TMEM170A: variants seen among roughly 807,000 people sequenced by gnomAD.
TMEM170A encodes the protein transmembrane protein 170.
TMEM170A carries 18 observed loss-of-function variants against 12.8 expected under a neutral mutation model. The observed-to-expected ratio is 1.41, with a 90% confidence interval of 0.97 to 2.09. The LOEUF is 2.09. Among genes scored for constraint, TMEM170A ranks in the 30% most tolerant of loss-of-function variants. TMEM170A has a pLI of 0.00. For missense variants in TMEM170A, 220 were observed against 179.9 expected, an observed-to-expected ratio of 1.22 and a Z score of -1.28; for synonymous variants, 107 against 76.2, an observed-to-expected ratio of 1.40 and a Z score of -2.11.
At chr16:75,459,790 G>C (rs1312619198) in intron 1 of TMEM170A, 1 of 152,150 alleles carries the variant, frequency 6.6e-6, no homozygotes, top group Non-Finnish European at 1.5e-5. Context: ...CTGCGAGGCA[G>C]AGGTTGCAGT....
chr16:75,447,520 T>C lies in TMEM170A; in HGVS notation c.*38A>G, dbSNP rs2079608129. The stretch of plus-strand genomic sequence containing the variant: ...TAATGTATTCTTTTGGAGGATTCCA[T>C]AAAGTTTAAGTTCAACATCTCAGCA... On this transcript the variant is annotated 3_prime_UTR_variant, in exon 3 of 3. Transcript: ENST00000561878. The C allele has an allele frequency of 6.3e-7, 1 of 1,577,696 alleles. No homozygotes were observed. The highest frequency in any genetic ancestry group is 8.6e-7 in the Non-Finnish European group (1 of 1,166,594).
In TMEM170A at chr16:75,455,407, T is replaced by C. The variant is rs138855219; in HGVS notation, c.134-3568A>G. Among the ~76,000 whole-genome samples the C allele has an allele frequency of 9.8e-4, 147 of 149,372 alleles. 1 individual carries two copies. Among genetic ancestry groups the C allele is most frequent in the African/African-American group, 3.5e-3 (144 of 40,632 alleles). Reference sequence around the variant, plus strand: ...ATGTATATATACTGAAGGGGCAAGATGCCCAAGCCACATTGTGAAGTAACA... The same window carrying C: ...ATGTATATATACTGAAGGGGCAAGACGCCCAAGCCACATTGTGAAGTAACA... On this transcript the variant is annotated intron_variant, in intron 1 of 2. Coordinates refer to ENST00000561878, the MANE Select transcript of TMEM170A (RefSeq NM_145254.3).
rs1555570646 is a variant in TMEM170A at position 75,443,161 on chromosome 16, T to TA, written c.*4396dup. On this transcript the variant is annotated 3_prime_UTR_variant, in exon 3 of 3. Coordinates refer to ENST00000561878, the MANE Select transcript of TMEM170A (RefSeq NM_145254.3). ...TACACATGCTAGATATTAAGTTATT[T>TA]AAAAAATGAAAACTGAAGTCAATTT... is the stretch of plus-strand genomic sequence containing the variant. 2.6e-5 allele frequency: 4 copies of TA among 152,158 alleles called. No individual in the cohort carries two copies. The highest frequency in any genetic ancestry group is 5.9e-5 in the Non-Finnish European group (4 of 68,028). The allele number at this position is 152,158 out of a possible 1,614,324, so 9.4% of individuals were successfully genotyped here. A position where few individuals can be genotyped will look rare whatever the true frequency, so the allele number is the denominator to read the frequency against.
intron 1 of TMEM170A, among the ~76,000 whole-genome samples, chr16:75,452,866 C>T (rs1201062894): frequency 6.6e-6 from 1 of 152,166 alleles, no homozygotes; most frequent in East Asian, 1.9e-4. Context: ...TATCTGAACC[C>T]ATTCATAATA....
chr16:75,447,816 C>T (rs1311681793), intron 2 of TMEM170A, 128 bp from the exon 3 acceptor site: 3 of 1,138,194 alleles, frequency 2.6e-6, no homozygotes, highest in Non-Finnish European at 3.6e-6. Context: ...TTAAATCTTA[C>T]AGAAATGTTA....
At chr16:75,447,747 G>A in intron 2 of TMEM170A, 59 bp from the exon 3 acceptor site, 3 of 1,524,224 alleles carry the variant, frequency 2.0e-6, no homozygotes, top group South Asian at 1.2e-5. Flanking sequence ...ACAAACTCAC[G>A]AAAATACAAC....
At position 75,447,576 on chromosome 16, in the gene TMEM170A, C is replaced by G. The variant is rs774894220; in HGVS notation, c.417G>C (p.Arg139=). The G allele has an allele frequency of 1.7e-5, 28 of 1,612,074 alleles. No individual in the cohort carries two copies. Among genetic ancestry groups the G allele is most frequent in the Non-Finnish European group, 2.3e-5 (27 of 1,179,358 alleles). The change falls in exon 3 of 3, where the codon CGG becomes CGC. Residue 139 remains arginine, a synonymous_variant. Transcript: ENST00000561878. ...ATGTATGCTATAGAGTAGCTAAAAT[C>G]CGTAAAAAGGAGACCACCAAGACGC... ...TFCVLVVSFL[R]ILATL is the part of the protein sequence containing the mutation.
At chr16:75,464,369 C>A in intron 1 of TMEM170A, 99 bp downstream of exon 1, 1 of 1,378,364 alleles carries the variant, frequency 7.3e-7, no homozygotes. Flanking sequence ...ACGCCGCCAG[C>A]AGGCTGCGCA....
chr16:75,453,158 G>A (rs534023123), intron 1 of TMEM170A, among the ~76,000 whole-genome samples: 3 of 152,262 alleles, frequency 2.0e-5, no homozygotes, highest in Admixed American at 2.0e-4. Context: ...CCATAACTGG[G>A]CACGGCAGCT....
intron 1 of TMEM170A, chr16:75,464,133 C>T (rs1478945038): frequency 1.5e-6 from 2 of 1,304,238 alleles, no homozygotes; most frequent in Non-Finnish European, 2.1e-6. Context: ...CCACAGCCTC[C>T]CGGGCTCGTG....
Position 75,450,180 on chromosome 16 carries a change from C to CA in TMEM170A, c.304+1488dup, listed in dbSNP as rs34044750. The stretch of plus-strand genomic sequence containing the variant: ...ACAGAGAAACTAGGCCACTTTCTCT[C>CA]AAAAAAAAAAAAAAAAAACACCTCA... On this transcript the variant is annotated intron_variant, in intron 2 of 2. Coordinates refer to ENST00000561878, the MANE Select transcript of TMEM170A (RefSeq NM_145254.3). Among the ~76,000 whole-genome samples, 971 of 116,220 alleles carry CA rather than the reference C, an allele frequency of 8.4e-3. 5 individuals are homozygous for CA. The highest frequency in any genetic ancestry group is 0.034 in the South Asian group (121 of 3,558). The allele number at this position is 116,220 out of a possible 152,430, so 76.2% of individuals were successfully genotyped here. A position where few individuals can be genotyped will look rare whatever the true frequency, so the allele number is the denominator to read the frequency against.
At chr16:75,462,295 C>A (rs1358698021) in intron 1 of TMEM170A, among the ~76,000 whole-genome samples, 1 of 152,248 alleles carries the variant, frequency 6.6e-6, no homozygotes, top group Non-Finnish European at 1.5e-5. Flanking sequence ...TCTTGGCTCA[C>A]TGCAACCTCT....
At position 75,464,568 on chromosome 16, in the gene TMEM170A, C is replaced by T; in HGVS notation, c.33G>A (p.Gly11=). Residue 11 remains glycine (G), a synonymous_variant, in exon 1 of 3, where the codon GGG becomes GGA. Transcript: ENST00000561878. MEREGSGGSG[G]SAGLLQQILS... ...GGATCTGCTGCAGGAGCCCGGCCGA[C>T]CCGCCGCTGCCGCCGCTCCCCTCGC... is the stretch of plus-strand genomic sequence containing the variant. The T allele has an allele frequency of 6.3e-7, 1 of 1,586,652 alleles. No homozygotes were observed. The highest frequency in any genetic ancestry group is 8.6e-7 in the Non-Finnish European group (1 of 1,169,386).
At position 75,446,234 on chromosome 16, in the gene TMEM170A, A is replaced by AACC. The variant is rs1425628957; in HGVS notation, c.*1321_*1323dup. ...AATCACCAGAAACTATTTTGCAGATAACCACCACCACTACCACCACACTGA... is the reference window on the plus strand; with the variant it reads ...AATCACCAGAAACTATTTTGCAGATAACCACCACCACCACTACCACCACACTGA... On this transcript the variant is annotated 3_prime_UTR_variant, in exon 3 of 3. Coordinates refer to ENST00000561878, the MANE Select transcript of TMEM170A (RefSeq NM_145254.3). The AACC allele has an allele frequency of 6.6e-6, 1 of 152,088 alleles. No individual in the cohort carries two copies. The highest frequency in any genetic ancestry group is 2.1e-4 in the South Asian group (1 of 4,824). The allele number at this position is 152,088 out of a possible 1,614,324, so 9.4% of individuals were successfully genotyped here.
At position 75,452,305 on chromosome 16, in the gene TMEM170A, G is replaced by A. The variant is rs149181367; in HGVS notation, c.134-466C>T. 2.3e-3 allele frequency among the ~76,000 whole-genome samples: 345 copies of A among 152,006 alleles called. 1 individual carries two copies. Among genetic ancestry groups the A allele is most frequent in the Middle Eastern group, 0.014 (4 of 290 alleles). On this transcript the variant is annotated intron_variant, in intron 1 of 2. Transcript: ENST00000561878. Reference sequence around the variant, plus strand: ...ATTTTTAAAGACGGGGTCTCACTCCGTCACCCAGGCTGCAGTGCAATGGCA... The same window carrying A: ...ATTTTTAAAGACGGGGTCTCACTCCATCACCCAGGCTGCAGTGCAATGGCA...
At chr16:75,463,023 G>A (rs939944789) in intron 1 of TMEM170A, among the ~76,000 whole-genome samples, 2 of 152,128 alleles carry the variant, frequency 1.3e-5, no homozygotes, top group Admixed American at 6.6e-5. Flanking sequence ...AGTGTGATAC[G>A]TATGTAATAC....
In TMEM170A at chr16:75,447,382, G is replaced by T; in HGVS notation, c.*176C>A. 1.7e-6 allele frequency: 1 copy of T among 580,712 alleles called. No homozygotes were observed. The highest frequency in any genetic ancestry group is 2.6e-6 in the Non-Finnish European group (1 of 379,198). 36.0% of individuals were successfully genotyped at this position (580,712 alleles called of 1,614,324 possible). On this transcript the variant is annotated 3_prime_UTR_variant, in exon 3 of 3. Coordinates refer to ENST00000561878, the MANE Select transcript of TMEM170A (RefSeq NM_145254.3). Reference sequence around the variant, plus strand: ...TTGAGAACAATAGGAGTCCACATAAGTCTTCAATTCTAGGAGCTTCAAAAT... The same window carrying T: ...TTGAGAACAATAGGAGTCCACATAATTCTTCAATTCTAGGAGCTTCAAAAT...
At chr16:75,452,977 C>T (rs1316483419) in intron 1 of TMEM170A, among the ~76,000 whole-genome samples, 1 of 152,096 alleles carries the variant, frequency 6.6e-6, no homozygotes, top group Non-Finnish European at 1.5e-5. Context: ...TTATGGCTGC[C>T]TTCCAGCTTC....
chr16:75,457,099 C>T (rs1321158249), intron 1 of TMEM170A, among the ~76,000 whole-genome samples: 1 of 152,106 alleles, frequency 6.6e-6, no homozygotes, highest in African/African-American at 2.4e-5. Flanking sequence ...CTGCTGTCTG[C>T]CCCATACTGA....
Sources: gnomAD v4.1 joint callset for allele counts (sites outside exome capture counted in the v4.1 genomes callset) on GRCh38, gnomAD v4.1.1 for gene constraint, MANE v1.5 for transcripts, NCBI Gene and HGNC (gene_info 2026-07-23, HGNC 2026-07-21) for gene names.